GLIS3: variants seen among roughly 807,000 people sequenced by gnomAD.
GLIS3 encodes the protein zinc finger protein GLIS3.
GLIS3 carries 53 observed loss-of-function variants against 78.6 expected under a neutral mutation model. That is an observed-to-expected ratio of 0.67 (90% confidence interval 0.54 to 0.85). GLIS3 has a LOEUF of 0.85. Ranked by LOEUF, GLIS3 falls within the 40% of genes least tolerant of loss-of-function variation. The pLI is 0.00. For missense variants in GLIS3, 1,703 were observed against 1,231.1 expected, an observed-to-expected ratio of 1.38 and a Z score of -5.74; for synonymous variants, 684 against 509.9, an observed-to-expected ratio of 1.34 and a Z score of -4.60.
At chr9:4,207,656 G>A (rs897591916) in intron 2 of GLIS3, among the ~76,000 whole-genome samples, 13 of 152,100 alleles carry the variant, frequency 8.5e-5, no homozygotes, top group African/African-American at 1.9e-4. Context: ...AAGCATAATC[G>A]TACTCATTGT....
At chr9:4,194,789 A>G (rs1184514194) in intron 2 of GLIS3, among the ~76,000 whole-genome samples, 2 of 152,170 alleles carry the variant, frequency 1.3e-5, no homozygotes, top group Non-Finnish European at 2.9e-5. Context: ...GCCAAGGGAG[A>G]GTACTTTGTT....
At chr9:4,044,201 A>G (rs575422795) in intron 4 of GLIS3, among the ~76,000 whole-genome samples, 1 of 152,322 alleles carries the variant, frequency 6.6e-6, no homozygotes, top group Admixed American at 6.5e-5. Flanking sequence ...AGAAAGATCA[A>G]AGTCTTCGGA....
intron 6 of GLIS3, among the ~76,000 whole-genome samples, chr9:3,902,168 A>C (rs1361596638): frequency 6.6e-6 from 1 of 152,210 alleles, no homozygotes; most frequent in Non-Finnish European, 1.5e-5. Context: ...GTGAGAGTTA[A>C]TTTGGTTTTC....
intron 2 of GLIS3, among the ~76,000 whole-genome samples, chr9:4,327,486 G>A (rs901160906): frequency 6.6e-6 from 1 of 152,172 alleles, no homozygotes; most frequent in Non-Finnish European, 1.5e-5. Flanking sequence ...AAGTCCTGGA[G>A]CAGAGGAGAC....
chr9:4,460,924 C>G, the GLIS3 span, among the ~76,000 whole-genome samples: 3 of 152,096 alleles, frequency 2.0e-5, no homozygotes, highest in Non-Finnish European at 4.4e-5. Flanking sequence ...CTTATTAATT[C>G]TTTGATACTA....
the GLIS3 span, among the ~76,000 whole-genome samples, chr9:4,422,988 A>G: frequency 5.9e-5 from 9 of 152,200 alleles, no homozygotes; most frequent in Non-Finnish European, 2.9e-5. Context: ...ACAGGAGTCA[A>G]AAGAGAAAAT....
At chr9:4,060,473 G>C (rs1176054843) in intron 4 of GLIS3, among the ~76,000 whole-genome samples, 1 of 152,198 alleles carries the variant, frequency 6.6e-6, no homozygotes, top group Non-Finnish European at 1.5e-5. Context: ...CAGTGTGGCA[G>C]TATCTTAAGA....
At chr9:4,091,998 T>A (rs1829550877) in intron 4 of GLIS3, among the ~76,000 whole-genome samples, 1 of 152,124 alleles carries the variant, frequency 6.6e-6, no homozygotes. Context: ...CTGGAAGTTG[T>A]TCTGGGTGAG....
chr9:4,032,837 C>T (rs1047699578), intron 4 of GLIS3, among the ~76,000 whole-genome samples: 1 of 151,854 alleles, frequency 6.6e-6, no homozygotes, highest in African/African-American at 2.4e-5. Flanking sequence ...GCTGGAATGC[C>T]AAGTGGAATT....
At chr9:4,460,724 T>C in the GLIS3 span, among the ~76,000 whole-genome samples, 2 of 152,078 alleles carry the variant, frequency 1.3e-5, no homozygotes, top group Non-Finnish European at 2.9e-5. Context: ...AAGAAGCAAA[T>C]AAAGGAGTTC....
intron 2 of GLIS3, among the ~76,000 whole-genome samples, chr9:4,269,077 C>G (rs1034904890): frequency 6.6e-6 from 1 of 152,194 alleles, no homozygotes; most frequent in Non-Finnish European, 1.5e-5. Context: ...TTAGTCCAAG[C>G]TTTCTCACAC....
At chr9:4,119,117 A>G (rs185464721) in intron 3 of GLIS3, among the ~76,000 whole-genome samples, 9 of 152,358 alleles carry the variant, frequency 5.9e-5, no homozygotes. Context: ...ATAATGTAAC[A>G]AAAGATCTAT....
intron 7 of GLIS3, among the ~76,000 whole-genome samples, chr9:3,895,875 A>T (rs1430753824): frequency 6.6e-6 from 1 of 152,244 alleles, no homozygotes; most frequent in East Asian, 1.9e-4. Flanking sequence ...CTCCTATTCT[A>T]TGCTCATACA....
intron 4 of GLIS3, among the ~76,000 whole-genome samples, chr9:3,937,971 C>G (rs973349959): frequency 2.0e-5 from 3 of 152,060 alleles, no homozygotes; most frequent in African/African-American, 2.4e-5. Context: ...ACTGGTTTGT[C>G]AATAATATTT....
the GLIS3 span, among the ~76,000 whole-genome samples, chr9:4,363,900 C>T: frequency 6.6e-6 from 1 of 152,166 alleles, no homozygotes; most frequent in Non-Finnish European, 1.5e-5. Context: ...ATGCTAGGCT[C>T]CAAGAGTGTT....
intron 10 of GLIS3, 95 bp from the exon 11 acceptor site, chr9:3,828,503 C>T (rs1817853795): frequency 2.0e-6 from 3 of 1,532,578 alleles, no homozygotes; most frequent in Non-Finnish European, 2.7e-6. Context: ...CAAGTGAGGA[C>T]TGGGGGCTAA....
At chr9:4,112,269 C>G (rs1004749704) in intron 4 of GLIS3, among the ~76,000 whole-genome samples, 9 of 152,268 alleles carry the variant, frequency 5.9e-5, no homozygotes, top group African/African-American at 2.2e-4. Context: ...AATATCTTAT[C>G]TCGTCTCTGA....
chr9:4,299,026 G>A (rs1011675354), intron 1 of GLIS3, among the ~76,000 whole-genome samples: 2 of 152,076 alleles, frequency 1.3e-5, no homozygotes, highest in East Asian at 1.9e-4. Flanking sequence ...AGAGTGGTGC[G>A]CCCCATGCCC....
intron 2 of GLIS3, among the ~76,000 whole-genome samples, chr9:4,269,287 C>T (rs1826290781): frequency 1.3e-5 from 2 of 152,126 alleles, no homozygotes; most frequent in Non-Finnish European, 2.9e-5. Context: ...TCCCTGCCCA[C>T]AGATATTATA....
Sources: gnomAD v4.1 joint callset for allele counts (sites outside exome capture counted in the v4.1 genomes callset) on GRCh38, gnomAD v4.1.1 for gene constraint, MANE v1.5 for transcripts, NCBI Gene and HGNC (gene_info 2026-07-23, HGNC 2026-07-21) for gene names.